ARHGAP29: variants seen among roughly 807,000 people sequenced by gnomAD.
The protein encoded by ARHGAP29 is rho GTPase-activating protein 29.
Under a neutral mutation model 122.6 loss-of-function variants are expected in ARHGAP29, and 43 were observed. The ratio of observed to expected loss-of-function variants is 0.35; its 90% confidence interval spans 0.27 to 0.45. The LOEUF (loss-of-function observed/expected upper bound fraction) is 0.45, where lower values mean the gene tolerates loss of function less well. Ranked by LOEUF, ARHGAP29 falls within the 20% of genes least tolerant of loss-of-function variation. The pLI is 1.00. For missense variants in ARHGAP29, 1,303 were observed against 1,477.2 expected (o/e 0.88, Z 1.93); for synonymous variants, 506 against 497.1 (o/e 1.02, Z -0.24).
chr1:94,245,694 G>A (rs1342859456), intron 1 of ARHGAP29, among the ~76,000 whole-genome samples: 1 of 152,100 alleles, frequency 6.6e-6, no homozygotes, highest in Admixed American at 6.6e-5. Flanking sequence ...TATACCTTGG[G>A]CCCCATCAAT....
At chr1:94,209,207 C>T (rs754541181) in intron 4 of ARHGAP29, 47 bp downstream of exon 4, 2 of 1,324,536 alleles carry the variant, frequency 1.5e-6, no homozygotes, top group South Asian at 2.5e-5. Flanking sequence ...CATACTCTCA[C>T]TAAGACACCT....
At chr1:94,295,887 A>C in the ARHGAP29 span, among the ~76,000 whole-genome samples, 1 of 152,192 alleles carries the variant, frequency 6.6e-6, no homozygotes, top group African/African-American at 2.4e-5. Flanking sequence ...GGCAAGAAAC[A>C]GTGGAACAAT....
At chr1:94,307,724 A>G in the ARHGAP29 span, among the ~76,000 whole-genome samples, 2 of 152,228 alleles carry the variant, frequency 1.3e-5, no homozygotes, top group African/African-American at 4.8e-5. Context: ...TTGGCTATCC[A>G]TTTGAAAAAA....
chr1:94,215,408 A>G (rs1032969504), intron 3 of ARHGAP29, among the ~76,000 whole-genome samples: 9 of 152,028 alleles, frequency 5.9e-5, no homozygotes, highest in African/African-American at 2.2e-4. Flanking sequence ...TGAACAAGCT[A>G]TCCCTACCAG....
At chr1:94,243,945 T>C (rs754851659) in intron 1 of ARHGAP29, among the ~76,000 whole-genome samples, 48 of 152,048 alleles carry the variant, frequency 3.2e-4, no homozygotes, top group Admixed American at 5.2e-4. Context: ...GGAAAAATTC[T>C]TTGAAAGACA....
intron 18 of ARHGAP29, 74 bp from the exon 19 acceptor site, chr1:94,184,362 A>G: frequency 9.2e-7 from 1 of 1,085,296 alleles, no homozygotes; most frequent in Non-Finnish European, 1.3e-6. Context: ...ATCTACATAT[A>G]CTTGATTTTC....
In ARHGAP29 at chr1:94,208,704, C is replaced by A. The variant is rs1468533437; in HGVS notation, c.510+128G>T. The A allele has an allele frequency of 6.4e-6, 5 of 784,294 alleles. No individual in the cohort carries two copies. The Admixed American group carries it at 1.1e-4, about 17-fold the overall frequency. The allele number at this position is 784,294 out of a possible 1,614,324, so 48.6% of individuals were successfully genotyped here. ...CAAACTCCTGACTTCAGACAATCCG[C>A]CCACCTCGGCCTCCCAAAGTGCTGG... On this transcript the variant is annotated intron_variant, in intron 5 of 22. Transcript: ENST00000260526.
chr1:94,239,599 A>G (rs974428894), upstream of ARHGAP29, among the ~76,000 whole-genome samples: 1 of 152,046 alleles, frequency 6.6e-6, no homozygotes. Context: ...AAGAAGAAAG[A>G]AATATGCAGA....
chr1:94,256,453 T>G (rs1030920045), intron 1 of ARHGAP29, among the ~76,000 whole-genome samples: 2 of 148,620 alleles, frequency 1.3e-5, no homozygotes, highest in Non-Finnish European at 3.0e-5. Flanking sequence ...TTCTTAAGAA[T>G]AATTGTTTAG....
chr1:94,230,902 A>G (rs977149407), intron 2 of ARHGAP29, among the ~76,000 whole-genome samples: 1 of 151,874 alleles, frequency 6.6e-6, no homozygotes, highest in Admixed American at 6.6e-5. Context: ...TTCTGTGATT[A>G]GCCCTTAATT....
chr1:94,224,008 T>C (rs1397687307), intron 2 of ARHGAP29, among the ~76,000 whole-genome samples: 2 of 152,028 alleles, frequency 1.3e-5, no homozygotes, highest in African/African-American at 2.4e-5. Flanking sequence ...GAGGTTTCAC[T>C]ATGTTGGTCA....
At chr1:94,284,590 C>T in the ARHGAP29 span, among the ~76,000 whole-genome samples, 5 of 152,192 alleles carry the variant, frequency 3.3e-5, no homozygotes, top group Non-Finnish European at 7.3e-5. Flanking sequence ...CTTCTGTCTG[C>T]TGTGAAATCA....
intron 1 of ARHGAP29, among the ~76,000 whole-genome samples, chr1:94,261,899 C>T (rs1040218374): frequency 1.3e-5 from 2 of 152,166 alleles, no homozygotes; most frequent in Non-Finnish European, 2.9e-5. Flanking sequence ...CTAGAAAAAG[C>T]TATTTTAAAC....
chr1:94,281,568 G>A, the ARHGAP29 span, among the ~76,000 whole-genome samples: 1 of 152,208 alleles, frequency 6.6e-6, no homozygotes. Flanking sequence ...CAGGAAATAA[G>A]ATGAAAGAAT....
rs199648839 is a variant in ARHGAP29 at position 94,231,384 on chromosome 1, A to T, written c.205+23T>A. On this transcript the variant is annotated intron_variant, in intron 2 of 22. Coordinates refer to ENST00000260526, the MANE Select transcript of ARHGAP29 (RefSeq NM_004815.4). ...AAATTTTACAAACTATCCAGCAAGA[A>T]TGCTAATAGAAAAGTGACAAACCTG... 1.3e-5 allele frequency: 21 copies of T among 1,590,738 alleles called. No individual in the cohort carries two copies. The East Asian group carries it at 4.7e-4, about 36-fold the overall frequency.
intron 1 of ARHGAP29, among the ~76,000 whole-genome samples, chr1:94,235,566 G>C (rs1653202692): frequency 6.6e-6 from 1 of 152,116 alleles, no homozygotes; most frequent in Non-Finnish European, 1.5e-5. Flanking sequence ...ATACAGGACT[G>C]GAAACAATTG....
rs780804450 is a variant in ARHGAP29, at chr1:94,174,098, G to A, written c.3557C>T (p.Pro1186Leu). Residue 1186 changes from proline (P) to leucine (L), a missense_variant, in exon 23 of 23, where the codon CCC becomes CTC. Pro to Leu is a moderately conservative substitution (Grantham distance 98). This residue lies in a region of ARHGAP29 where 620 missense variants were observed against 651.2 expected (regional missense o/e 0.95). Coordinates refer to ENST00000260526, the MANE Select transcript of ARHGAP29 (RefSeq NM_004815.4). The stretch of plus-strand genomic sequence containing the variant: ...TGTGCCAGGAGGCACTGCTGCTGAG[G>A]GTGAAGCTGGCTTCTCCTCATTCCC... ...IRGNEEKPAS[P>L]SAAVPPGTDH... 1.2e-6 allele frequency: 2 copies of A among 1,614,182 alleles called. No homozygotes were observed. Among genetic ancestry groups the A allele is most frequent in the Admixed American group, 3.3e-5 (2 of 60,022 alleles).
chr1:94,208,265 C>T (rs1651345899), intron 5 of ARHGAP29, among the ~76,000 whole-genome samples: 2 of 152,066 alleles, frequency 1.3e-5, no homozygotes, highest in East Asian at 3.9e-4. Context: ...TATACCTGGT[C>T]CCAAATATCT....
rs780960518 is a variant in ARHGAP29, at chr1:94,181,815, G to C, written c.2248-1858C>G. 2.6e-5 allele frequency among the ~76,000 whole-genome samples: 4 copies of C among 152,280 alleles called. No individual in the cohort carries two copies. The East Asian group carries it at 7.7e-4, about 29-fold the overall frequency. On this transcript the variant is annotated intron_variant, in intron 19 of 22. Coordinates refer to ENST00000260526, the MANE Select transcript of ARHGAP29 (RefSeq NM_004815.4). Reference sequence around the variant, plus strand: ...AATATGGTGGCCACAAGCCACATGTGGCTACTGAGCACTGGAAATGTGGCT... The same window carrying C: ...AATATGGTGGCCACAAGCCACATGTCGCTACTGAGCACTGGAAATGTGGCT...
Sources: gnomAD v4.1 joint callset for allele counts (sites outside exome capture counted in the v4.1 genomes callset) on GRCh38, gnomAD v4.1.1 for gene constraint, gnomAD v4.1.1 regional missense constraint, MANE v1.5 for transcripts, NCBI Gene and HGNC (gene_info 2026-07-23, HGNC 2026-07-21) for gene names.